RIMBP2: variants seen among roughly 807,000 people sequenced by gnomAD.
RIMBP2 encodes the protein RIMS-binding protein 2.
In RIMBP2, 48 loss-of-function variants were observed where a neutral mutation model predicts 118.6. That is an observed-to-expected ratio of 0.40 (90% confidence interval 0.32 to 0.51). The LOEUF is 0.51. Among genes scored for constraint, RIMBP2 ranks in the 20% least tolerant of loss-of-function variants. The pLI is 0.41. For missense variants in RIMBP2, 1,551 were observed against 1,768.3 expected, an observed-to-expected ratio of 0.88 and a Z score of 2.20; for synonymous variants, 762 against 742.9, an observed-to-expected ratio of 1.03 and a Z score of -0.42.
intron 2 of RIMBP2, among the ~76,000 whole-genome samples, chr12:130,546,708 G>A (rs562918275): frequency 2.0e-4 from 30 of 152,276 alleles, no homozygotes; most frequent in Admixed American, 1.4e-3. Context: ...GAAGAAGGCC[G>A]GTAAACTGGC....
intron 2 of RIMBP2, among the ~76,000 whole-genome samples, chr12:130,535,704 CACATATACAT>C (rs1566217384): frequency 2.1e-5 from 3 of 141,358 alleles, no homozygotes; most frequent in Non-Finnish European, 4.6e-5. Flanking sequence ...CATATATATA[CACATATACAT>C]ATACATATAT....
At chr12:130,561,391 G>C (rs898241858) in intron 2 of RIMBP2, among the ~76,000 whole-genome samples, 4 of 152,126 alleles carry the variant, frequency 2.6e-5, no homozygotes, top group African/African-American at 9.7e-5. Context: ...AACATATTTA[G>C]GGAAGCTAGG....
At position 130,477,369 on chromosome 12, in the gene RIMBP2, G is replaced by A. The variant is rs11060930; in HGVS notation, c.102+1543C>T. Among the ~76,000 whole-genome samples the A allele has an allele frequency of 1.7e-4, 26 of 152,250 alleles. 1 individual carries two copies. In the South Asian group the frequency reaches 4.8e-3, roughly 28 times the overall value. On this transcript the variant is annotated intron_variant, in intron 5 of 22. Coordinates refer to ENST00000690449, the MANE Select transcript of RIMBP2 (RefSeq NM_001393629.1). ...CTACAGACTTATATCTGTCTCAGACGGTCCCCGCCTGGGGACGTGGCTTCT... is the reference window on the plus strand; with the variant it reads ...CTACAGACTTATATCTGTCTCAGACAGTCCCCGCCTGGGGACGTGGCTTCT...
chr12:130,582,345 A>G (rs2058536414), intron 2 of RIMBP2, among the ~76,000 whole-genome samples: 1 of 152,172 alleles, frequency 6.6e-6, no homozygotes, highest in African/African-American at 2.4e-5. Flanking sequence ...TGTTTCCTTC[A>G]TTTCAAAGGT....
Position 130,442,312 on chromosome 12 carries a change from C to G in RIMBP2, c.1040G>C (p.Ser347Thr), listed in dbSNP as rs150664524. 32 of 1,614,122 alleles carry G rather than the reference C, an allele frequency of 2.0e-5. No individual in the cohort carries two copies. The highest frequency in any genetic ancestry group is 2.5e-5 in the Non-Finnish European group (30 of 1,180,056). The change falls in exon 11 of 23, where the codon AGC (serine) becomes ACC (threonine). Residue 347 changes from serine (S) to threonine (T), a missense_variant. This residue lies in a region of RIMBP2 where 265 missense variants were observed against 349.5 expected (regional missense o/e 0.76). Coordinates refer to ENST00000690449, the MANE Select transcript of RIMBP2 (RefSeq NM_001393629.1). This position sits in a 1 kb window ranked among gnomAD's most constrained non-coding sequence, Gnocchi z 6.9. ...PAVPPGWGTV[S>T]SYNVLVDKET... ...CTTGTCCACCAGGACGTTGTAGCTG[C>G]TCACCGTTCCCCATCCTGGTGGCAC...
intron 1 of RIMBP2, among the ~76,000 whole-genome samples, chr12:130,679,510 C>G (rs1409611941): frequency 1.3e-5 from 2 of 152,236 alleles, no homozygotes; most frequent in Non-Finnish European, 2.9e-5. Flanking sequence ...GGTGACTTCT[C>G]TCACTGGGGA....
At position 130,450,986 on chromosome 12, in the gene RIMBP2, A is replaced by G. The variant is rs1281173232; in HGVS notation, c.504+209T>C. ...CAGTGTTCTCTCTGCTCCCCCTTAGAACAGGGACCTCACCTGTGTTCACAG... is the reference window on the plus strand; with the variant it reads ...CAGTGTTCTCTCTGCTCCCCCTTAGGACAGGGACCTCACCTGTGTTCACAG... On this transcript the variant is annotated intron_variant, in intron 8 of 22. Transcript: ENST00000690449. The surrounding 1 kb of genome is among the most constrained non-coding windows in gnomAD (Gnocchi z 4.8). Among the ~76,000 whole-genome samples the G allele has an allele frequency of 1.3e-5, 2 of 152,142 alleles. No homozygotes were observed. Among genetic ancestry groups the G allele is most frequent in the Non-Finnish European group, 2.9e-5 (2 of 68,034 alleles).
chr12:130,660,814 G>C (rs972952781), intron 1 of RIMBP2, among the ~76,000 whole-genome samples: 1 of 139,844 alleles, frequency 7.2e-6, no homozygotes, highest in African/African-American at 2.6e-5. Flanking sequence ...ACGCACCAGG[G>C]CTCTGAAGTA....
At chr12:130,428,383 A>T (rs377364322) in intron 14 of RIMBP2, 46 bp from the exon 15 acceptor site, 1 of 1,565,906 alleles carries the variant, frequency 6.4e-7, no homozygotes, top group Admixed American at 1.8e-5. Flanking sequence ...CTCCTCCCGC[A>T]TCCTACAAGA....
At chr12:130,591,416 C>T (rs1198122283) in intron 2 of RIMBP2, among the ~76,000 whole-genome samples, 3 of 152,208 alleles carry the variant, frequency 2.0e-5, no homozygotes. Context: ...GTGTTGAAGG[C>T]ACTGTTCCAG....
chr12:130,483,519 C>T (rs1363031665), intron 4 of RIMBP2, among the ~76,000 whole-genome samples: 1 of 152,194 alleles, frequency 6.6e-6, no homozygotes, highest in Non-Finnish European at 1.5e-5. Flanking sequence ...GCTGGCCTGT[C>T]GGCTGAGAAG....
At chr12:130,686,053 C>G (rs940523382) in intron 1 of RIMBP2, among the ~76,000 whole-genome samples, 2 of 152,128 alleles carry the variant, frequency 1.3e-5, no homozygotes, top group African/African-American at 4.8e-5. Context: ...GCCCCAGCGC[C>G]TCACACCGCA....
rs551855975 is a variant in RIMBP2 at position 130,450,046 on chromosome 12, C to T, written c.581+154G>A. ...TGCGTGCCACCCAAACTCTCTCCAC[C>T]GAACCCTGCTCAGCCTCCAGGCCAG... On this transcript the variant is annotated intron_variant, in intron 9 of 22. Coordinates refer to ENST00000690449, the MANE Select transcript of RIMBP2 (RefSeq NM_001393629.1). This position sits in a 1 kb window ranked among gnomAD's most constrained non-coding sequence, Gnocchi z 4.8. Among the ~76,000 whole-genome samples, 9 of 152,152 alleles carry T rather than the reference C, an allele frequency of 5.9e-5. No individual in the cohort carries two copies. The highest frequency in any genetic ancestry group is 1.2e-4 in the African/African-American group (5 of 41,510).
intron 15 of RIMBP2, chr12:130,427,593 C>G (rs2076876373): frequency 6.6e-6 from 1 of 152,330 alleles, no homozygotes; most frequent in African/African-American, 2.4e-5. Flanking sequence ...TGCTGATGGC[C>G]TCTGCCAGAG....
In RIMBP2 at chr12:130,656,835, G is replaced by C. The variant is rs377173696; in HGVS notation, c.-351-28379C>G. Among the ~76,000 whole-genome samples the C allele has an allele frequency of 1.6e-4, 25 of 152,102 alleles. No homozygotes were observed. In the East Asian group the frequency reaches 1.7e-3, roughly 11 times the overall value. On this transcript the variant is annotated intron_variant, in intron 1 of 22. Coordinates refer to ENST00000690449, the MANE Select transcript of RIMBP2 (RefSeq NM_001393629.1). ...GAGGTGGCAGGATGGTTTGAGCCTG[G>C]GGGGAGGAGGTTGCAGTGAGCCAAG...
At chr12:130,611,758 A>C (rs1343169130) in intron 2 of RIMBP2, among the ~76,000 whole-genome samples, 4 of 152,096 alleles carry the variant, frequency 2.6e-5, no homozygotes, top group Non-Finnish European at 5.9e-5. Flanking sequence ...TACACCTGAC[A>C]AACAGCTCAG....
At chr12:130,633,215 A>T (rs1414148175) in intron 1 of RIMBP2, among the ~76,000 whole-genome samples, 1 of 152,254 alleles carries the variant, frequency 6.6e-6, no homozygotes, top group Non-Finnish European at 1.5e-5. Context: ...TATATTCATT[A>T]TCTAAAGGGT....
intron 18 of RIMBP2, 96 bp downstream of exon 18, chr12:130,414,029 C>T: frequency 7.7e-7 from 1 of 1,307,032 alleles, no homozygotes; most frequent in Non-Finnish European, 1.1e-6. Flanking sequence ...AGGAGAAGGC[C>T]ATCTCTAAGT....
rs1452303957 is a variant in RIMBP2 at position 130,703,674 on chromosome 12, C to T, written c.-352+12548G>A. On this transcript the variant is annotated intron_variant, in intron 1 of 22. Transcript: ENST00000690449. The surrounding 1 kb of genome is among the most constrained non-coding windows in gnomAD (Gnocchi z 5.7). ...GCGCTCTACATCACCCACCGCTCAG[C>T]CTCCCCTGGGGTCGGGTGGCTTCTC... Among the ~76,000 whole-genome samples, 1 of 152,226 alleles carries T rather than the reference C, an allele frequency of 6.6e-6. No individual in the cohort carries two copies. The highest frequency in any genetic ancestry group is 1.5e-5 in the Non-Finnish European group (1 of 68,040).
Sources: gnomAD v4.1 joint callset for allele counts (sites outside exome capture counted in the v4.1 genomes callset) on GRCh38, gnomAD v4.1.1 for gene constraint, gnomAD v4.1.1 regional missense constraint, Gnocchi (gnomAD v3.1) non-coding constraint, MANE v1.5 for transcripts, NCBI Gene and HGNC (gene_info 2026-07-23, HGNC 2026-07-21) for gene names.